ASXL2: variants seen among roughly 807,000 people sequenced by gnomAD.
ASXL2 encodes putative Polycomb group protein ASXL2.
Under a neutral mutation model 122.0 loss-of-function variants are expected in ASXL2, and 23 were observed. That is an observed-to-expected ratio of 0.19 (90% CI 0.14 to 0.27). The LOEUF (loss-of-function observed/expected upper bound fraction) is 0.27. Ranked by LOEUF, ASXL2 falls within the 10% of genes least tolerant of loss-of-function variation. The pLI, the probability that ASXL2 is intolerant of heterozygous loss-of-function variation, is 1.00. For missense variants in ASXL2, 1,518 were observed against 1,713.8 expected (o/e 0.89, Z 2.02); for synonymous variants, 650 against 637.0 (o/e 1.02, Z -0.31).
chr2:25,749,475 C>G (rs753500542), intron 12 of ASXL2, among the ~76,000 whole-genome samples: 3 of 152,150 alleles, frequency 2.0e-5, no homozygotes, highest in Non-Finnish European at 2.9e-5. Context: ...TGCCCAGGTA[C>G]CTTCCTTATG....
At chr2:25,798,317 T>G (rs2088941794) in intron 5 of ASXL2, among the ~76,000 whole-genome samples, 1 of 151,994 alleles carries the variant, frequency 6.6e-6, no homozygotes, top group Admixed American at 6.6e-5. Context: ...ACCCCTGAAC[T>G]TAAAAGTTCA....
In ASXL2 at chr2:25,849,447, T is replaced by C. The variant is rs75627482; in HGVS notation, c.58-3884A>G. Among the ~76,000 whole-genome samples, 580 of 112,344 alleles carry C rather than the reference T, an allele frequency of 5.2e-3. 3 individuals carry two copies. The highest frequency in any genetic ancestry group is 0.019 in the African/African-American group (557 of 28,634). 73.7% of individuals were successfully genotyped at this position (112,344 alleles called of 152,430 possible). A position where few individuals can be genotyped will look rare whatever the true frequency, so the allele number is the denominator to read the frequency against. On this transcript the variant is annotated intron_variant, in intron 1 of 12. Coordinates refer to ENST00000435504, the MANE Select transcript of ASXL2 (RefSeq NM_018263.6). ...TAGCCTGGATGAAAGAGTGAGACTC[T>C]GACTCAAAAAAAAAAAAAAAAAAAA... is the stretch of plus-strand genomic sequence containing the variant.
At chr2:25,810,469 A>G in intron 3 of ASXL2, 1 of 730,942 alleles carries the variant, frequency 1.4e-6, no homozygotes. Flanking sequence ...AGCACAGTCC[A>G]GCTCCTCTTC....
chr2:25,805,084 T>C lies in ASXL2; in HGVS notation c.252+1145A>G, dbSNP rs141387524. 6.6e-4 allele frequency among the ~76,000 whole-genome samples: 100 copies of C among 152,234 alleles called. 2 individuals are homozygous for C. The East Asian group carries it at 0.017, about 26-fold the overall frequency. On this transcript the variant is annotated intron_variant, in intron 4 of 12. Coordinates refer to ENST00000435504, the MANE Select transcript of ASXL2 (RefSeq NM_018263.6). ...AAAGAAAAGAAAGAAATTAGCAAGC[T>C]TGTTATGTTAGAAAGAATATGGGCT...
chr2:25,767,222 T>A (rs1354245513), intron 8 of ASXL2, among the ~76,000 whole-genome samples: 4 of 152,142 alleles, frequency 2.6e-5, no homozygotes, highest in African/African-American at 9.7e-5. Context: ...AAATAAAACA[T>A]GAATAATGCT....
intron 3 of ASXL2, among the ~76,000 whole-genome samples, chr2:25,826,160 T>C (rs1380116968): frequency 1.3e-5 from 2 of 152,226 alleles, no homozygotes. Flanking sequence ...AAATCAGTAG[T>C]ATAATGCTGG....
chr2:25,798,102 A>G (rs1169472558), intron 5 of ASXL2, among the ~76,000 whole-genome samples: 3 of 152,336 alleles, frequency 2.0e-5, no homozygotes, highest in South Asian at 2.1e-4. Context: ...GTTCTCACTT[A>G]TAAGTGGGAG....
At chr2:25,785,373 C>T (rs537404579) in intron 5 of ASXL2, among the ~76,000 whole-genome samples, 3 of 151,994 alleles carry the variant, frequency 2.0e-5, no homozygotes, top group Admixed American at 6.6e-5. Flanking sequence ...TACAGGCACC[C>T]GCCTCCATGT....
At chr2:25,815,255 T>A (rs1224270048) in intron 3 of ASXL2, among the ~76,000 whole-genome samples, 1 of 152,114 alleles carries the variant, frequency 6.6e-6, no homozygotes, top group Non-Finnish European at 1.5e-5. Flanking sequence ...TAATCTGACC[T>A]TGACCAAAAT....
At chr2:25,811,101 A>C (rs978338662) in intron 3 of ASXL2, among the ~76,000 whole-genome samples, 82 of 67,362 alleles carry the variant, frequency 1.2e-3, no homozygotes, top group African/African-American at 1.8e-3. Context: ...CACACACACA[A>C]AATCAGCCAT....
At chr2:25,815,201 T>C (rs1375715290) in intron 3 of ASXL2, among the ~76,000 whole-genome samples, 6 of 152,314 alleles carry the variant, frequency 3.9e-5, no homozygotes, top group African/African-American at 1.4e-4. Flanking sequence ...TTAAAATTCA[T>C]CCATATCATA....
Position 25,749,931 on chromosome 2 carries a change from G to A in ASXL2, c.1625C>T (p.Ala542Val), listed in dbSNP as rs765142924. The change falls in exon 12 of 13, where the codon GCA becomes GTA. Residue 542 changes from alanine to valine, a missense_variant. This residue lies in a region of ASXL2 where 292 missense variants were observed against 293.5 expected (regional missense o/e 1.00). Transcript: ENST00000435504. ...ATTAGTCTCCTGTGGACCCGCTCCT[G>A]CTGTGGGCTTCACTATTGGTTTTTC... is the stretch of plus-strand genomic sequence containing the variant. ...GVEKPIVKPTAGAGPQETNMK... is the reference protein window; with the variant it reads ...GVEKPIVKPTVGAGPQETNMK... The A allele has an allele frequency of 6.2e-7, 1 of 1,613,984 alleles. No homozygotes were observed. The highest frequency in any genetic ancestry group is 1.1e-5 in the South Asian group (1 of 91,082).
At chr2:25,855,321 G>C (rs1022716280) in intron 1 of ASXL2, among the ~76,000 whole-genome samples, 3 of 152,120 alleles carry the variant, frequency 2.0e-5, no homozygotes, top group Admixed American at 1.3e-4. Context: ...GAGGTGGGTG[G>C]ATTGCTTTGA....
intron 3 of ASXL2, among the ~76,000 whole-genome samples, chr2:25,824,348 G>A (rs1485825786): frequency 6.6e-6 from 1 of 152,118 alleles, no homozygotes; most frequent in Non-Finnish European, 1.5e-5. Context: ...ACGGTAGTAT[G>A]TGCAGGTGGT....
rs1366818701 is a variant in ASXL2, at chr2:25,750,271, A to T, written c.1285T>A (p.Ser429Thr). The T allele has an allele frequency of 1.2e-6, 2 of 1,613,956 alleles. No individual in the cohort carries two copies. The highest frequency in any genetic ancestry group is 2.2e-5 in the South Asian group (2 of 91,086). ...LIRIVPVVSQ[S>T]ECKEEALQMS... Reference sequence around the variant, plus strand: ...TGCAATGCTTCTTCTTTACACTCTGACTGGGAGACTACTGGAACTATTCTG... The same window carrying T: ...TGCAATGCTTCTTCTTTACACTCTGTCTGGGAGACTACTGGAACTATTCTG... Residue 429 changes from serine to threonine, a missense_variant, in exon 12 of 13, where the codon TCA becomes ACA. Physicochemically the swap from Ser to Thr is moderately conservative, Grantham distance 58. Around this residue, in one of 8 missense-constraint regions of ASXL2, gnomAD observed 292 missense variants for 293.5 expected, o/e 1.00. Transcript: ENST00000435504.
In ASXL2 at chr2:25,828,824, C is replaced by CAAAAAA. The variant is rs1031358836; in HGVS notation, c.143+6708_143+6713dup. ...CAGGCAACAGTGTGAGACTGTGTCT[C>CAAAAAA]AAAAAAAAAAAAAAAAAAAAAAAAC... On this transcript the variant is annotated intron_variant, in intron 3 of 12. Coordinates refer to ENST00000435504, the MANE Select transcript of ASXL2 (RefSeq NM_018263.6). Among the ~76,000 whole-genome samples the CAAAAAA allele has an allele frequency of 4.9e-3, 241 of 49,424 alleles. 2 individuals are homozygous for CAAAAAA. The highest frequency in any genetic ancestry group is 0.015 in the Middle Eastern group (1 of 68). The allele number at this position is 49,424 out of a possible 152,430, so 32.4% of individuals were successfully genotyped here.
intron 1 of ASXL2, among the ~76,000 whole-genome samples, chr2:25,868,956 G>A (rs2089932164): frequency 1.3e-5 from 2 of 152,094 alleles, no homozygotes; most frequent in South Asian, 4.1e-4. Context: ...CCTCAGGTCA[G>A]GAGTTCAAGA....
intron 1 of ASXL2, among the ~76,000 whole-genome samples, chr2:25,868,327 T>C (rs979865708): frequency 6.6e-6 from 1 of 152,248 alleles, no homozygotes; most frequent in Non-Finnish European, 1.5e-5. Flanking sequence ...TCCCAGGCTG[T>C]GAACGCCATG....
At chr2:25,835,175 C>A (rs780207467) in intron 3 of ASXL2, among the ~76,000 whole-genome samples, 88 of 152,136 alleles carry the variant, frequency 5.8e-4, no homozygotes, top group Non-Finnish European at 1.1e-3. Flanking sequence ...CATTTTCAAT[C>A]TTACAGCCAT....
Sources: gnomAD v4.1 joint callset for allele counts (sites outside exome capture counted in the v4.1 genomes callset) on GRCh38, gnomAD v4.1.1 for gene constraint, gnomAD v4.1.1 regional missense constraint, MANE v1.5 for transcripts, NCBI Gene and HGNC (gene_info 2026-07-23, HGNC 2026-07-21) for gene names.